LCA5L: variants seen among roughly 807,000 people sequenced by gnomAD.
LCA5L encodes the protein lebercilin LCA5 like, also known as lebercilin-like protein.
LCA5L carries 35 observed loss-of-function variants against 45.4 expected under a neutral mutation model. The observed-to-expected ratio is 0.77, with a 90% CI of 0.59 to 1.02. The LOEUF is 1.02. Ranked by LOEUF, LCA5L falls within the 50% of genes least tolerant of loss-of-function variation. The pLI, the probability that LCA5L is intolerant of heterozygous loss-of-function variation, is 0.00. For synonymous variants in LCA5L, 233 were observed against 264.7 expected (o/e 0.88, Z 1.16); for missense variants, 668 against 761.6 (o/e 0.88, Z 1.45).
At chr21:39,415,947 A>T (rs995521075) in intron 7 of LCA5L, among the ~76,000 whole-genome samples, 1 of 152,110 alleles carries the variant, frequency 6.6e-6, no homozygotes, top group African/African-American at 2.4e-5. Flanking sequence ...TGGCATGAGT[A>T]GGTGGTGGTG....
chr21:39,414,457 A>G (rs996131210), intron 7 of LCA5L, among the ~76,000 whole-genome samples: 4 of 152,094 alleles, frequency 2.6e-5, no homozygotes, highest in African/African-American at 9.7e-5. Context: ...CGAACTTTTG[A>G]CCTTTGGGAC....
chr21:39,414,742 C>CTGTGTGTGTGTGTGTGTGTGTGTGTGTG (rs66478742), intron 7 of LCA5L, among the ~76,000 whole-genome samples: 2 of 99,178 alleles, frequency 2.0e-5, no homozygotes, highest in African/African-American at 8.8e-5. Flanking sequence ...CTCTCTCTCT[C>CTGTGTGTGTGTGTGTGTGTGTGTGTGTG]TGTGTGTGTG....
At chr21:39,435,052 T>C (rs2076161749) in intron 3 of LCA5L, among the ~76,000 whole-genome samples, 1 of 152,232 alleles carries the variant, frequency 6.6e-6, no homozygotes, top group Admixed American at 6.5e-5. Flanking sequence ...GTGGTGCCTA[T>C]TTTACTGCAC....
rs1044021126 is a variant in LCA5L at position 39,405,966 on chromosome 21, A to G, written c.1929T>C (p.His643=). The change falls in exon 11 of 11, where the codon CAT becomes CAC. Residue 643 remains histidine (H), a synonymous_variant. Coordinates refer to ENST00000288350, the MANE Select transcript of LCA5L (RefSeq NM_152505.4). The part of the protein sequence containing the change: ...PLPPSQASTS[H]AFGDSKVTVV... ...CAGTTACTTTAGAGTCTCCGAAAGC[A>G]TGGCTGGTGGAGGCCTGACTGGGAG... 10 of 1,614,016 alleles carry G rather than the reference A, an allele frequency of 6.2e-6. No homozygotes were observed. In the Admixed American group the frequency reaches 8.3e-5, roughly 13 times the overall value.
chr21:39,439,188 G>A (rs950338209), intron 2 of LCA5L, among the ~76,000 whole-genome samples: 5 of 152,202 alleles, frequency 3.3e-5, no homozygotes, highest in Non-Finnish European at 7.3e-5. Flanking sequence ...GAGAAGACAC[G>A]ACGCTGCTGG....
chr21:39,413,846 C>T (rs1387236810), intron 7 of LCA5L: 1 of 152,264 alleles, frequency 6.6e-6, no homozygotes, highest in African/African-American at 2.4e-5. Context: ...TCAGTTCTAT[C>T]TTTTGATTTG....
At position 39,422,225 on chromosome 21, in the gene LCA5L, A is replaced by G. The variant is rs1343692407; in HGVS notation, c.837+751T>C. On this transcript the variant is annotated intron_variant, in intron 6 of 10. Coordinates refer to ENST00000288350, the MANE Select transcript of LCA5L (RefSeq NM_152505.4). ...GAAAATACTCGTGTTTCAGCATCAA[A>G]TATTACAGAATTAAATCCTAAATTA... The G allele has an allele frequency of 2.0e-5, 3 of 152,238 alleles. 1 individual carries two copies. In the South Asian group the frequency reaches 6.2e-4, roughly 31 times the overall value. The allele number at this position is 152,238 out of a possible 1,614,324, so 9.4% of individuals were successfully genotyped here.
chr21:39,427,528 G>C (rs901614274), intron 5 of LCA5L, among the ~76,000 whole-genome samples: 16 of 152,040 alleles, frequency 1.1e-4, no homozygotes, highest in African/African-American at 3.9e-4. Flanking sequence ...CGGGCGTGGT[G>C]GTGGGTGCCT....
intron 5 of LCA5L, among the ~76,000 whole-genome samples, chr21:39,425,368 A>G (rs1207074473): frequency 3.9e-5 from 6 of 152,264 alleles, no homozygotes; most frequent in Admixed American, 6.5e-5. Flanking sequence ...CATTTGAATC[A>G]TAACTATGAA....
intron 3 of LCA5L, among the ~76,000 whole-genome samples, chr21:39,434,847 A>C (rs967526615): frequency 2.6e-5 from 4 of 152,224 alleles, no homozygotes; most frequent in African/African-American, 9.6e-5. Context: ...TAATATGTTC[A>C]GTCAAAGAAC....
intron 1 of LCA5L, among the ~76,000 whole-genome samples, chr21:39,445,112 GA>G (rs1176647827): frequency 6.6e-6 from 1 of 151,592 alleles, no homozygotes; most frequent in Non-Finnish European, 1.5e-5. Context: ...ACTGGTCTCT[GA>G]AAAAAGTTAA....
In LCA5L at chr21:39,408,801, A is replaced by G. The variant is rs2039559979; in HGVS notation, c.1282+1178T>C. 3.3e-5 allele frequency: 5 copies of G among 152,360 alleles called. No individual in the cohort carries two copies. In the South Asian group the frequency reaches 1.0e-3, roughly 32 times the overall value. The allele number at this position is 152,360 out of a possible 1,614,324, so 9.4% of individuals were successfully genotyped here. On this transcript the variant is annotated intron_variant, in intron 10 of 10. Coordinates refer to ENST00000288350, the MANE Select transcript of LCA5L (RefSeq NM_152505.4). ...GGATCTGAGGGTTTTTCTATCTCCC[A>G]GGATGATTCAGGACCTCACCCACTG...
chr21:39,438,594 A>C (rs1287411187), intron 2 of LCA5L: 1 of 152,178 alleles, frequency 6.6e-6, no homozygotes, highest in Non-Finnish European at 1.5e-5. Context: ...CCATTAGTAA[A>C]ATGGGCAAAA....
intron 7 of LCA5L, among the ~76,000 whole-genome samples, chr21:39,416,178 A>G (rs1048435971): frequency 6.6e-6 from 1 of 152,170 alleles, no homozygotes; most frequent in African/African-American, 2.4e-5. Flanking sequence ...GAAGGTAAAA[A>G]TGTTTGCTTC....
chr21:39,420,437 C>A (rs2042087600), intron 7 of LCA5L, among the ~76,000 whole-genome samples: 2 of 143,798 alleles, frequency 1.4e-5, no homozygotes, highest in South Asian at 4.5e-4. Context: ...ATAAGAGAAT[C>A]ACTTGAACCT....
At chr21:39,432,414 A>G (rs2075830084) in intron 3 of LCA5L, among the ~76,000 whole-genome samples, 1 of 152,248 alleles carries the variant, frequency 6.6e-6, no homozygotes, top group African/African-American at 2.4e-5. Flanking sequence ...GATTTTAAAA[A>G]ATGTATCAAA....
In LCA5L at chr21:39,420,789, T is replaced by C. The variant is rs745625541; in HGVS notation, c.892A>G (p.Ile298Val). The C allele has an allele frequency of 9.9e-6, 16 of 1,613,340 alleles. No individual in the cohort carries two copies. The highest frequency in any genetic ancestry group is 9.3e-6 in the Non-Finnish European group (11 of 1,179,432). The change falls in exon 7 of 11, where the codon ATT becomes GTT. Residue 298 changes from isoleucine (I) to valine (V), a missense_variant. Coordinates refer to ENST00000288350, the MANE Select transcript of LCA5L (RefSeq NM_152505.4). ...GCTGCTAAAGTCTTCCGAGTCTCAA[T>C]AGCCAGCTGCCGGCTAAAGGCTCTG... Reference protein sequence around the residue: ...NCRAFSRQLAIETRKTLAAQT... With the variant: ...NCRAFSRQLAVETRKTLAAQT...
chr21:39,414,268 T>C (rs1276988045), intron 7 of LCA5L: 2 of 152,096 alleles, frequency 1.3e-5, no homozygotes, highest in Admixed American at 6.6e-5. Context: ...GGAACTTAGA[T>C]AGAAAGCAGT....
At chr21:39,427,660 C>T (rs1176602316) in intron 5 of LCA5L, 1 of 143,812 alleles carries the variant, frequency 7.0e-6, no homozygotes, top group African/African-American at 2.6e-5. Flanking sequence ...AAGACTCTGT[C>T]TCAAAAAAAA....
Sources: allele counts gnomAD v4.1 joint callset (sites outside exome capture counted in the v4.1 genomes callset), GRCh38; gene constraint gnomAD v4.1.1; transcripts MANE v1.5; gene names NCBI Gene and HGNC (gene_info 2026-07-23, HGNC 2026-07-21).